Variants in RASGRP1 observed in about 807,000 individuals in gnomAD.
The protein encoded by RASGRP1 is RAS guanyl-releasing protein 1.
A neutral mutation model predicts 95.1 loss-of-function variants in RASGRP1; 37 were observed. That is an observed-to-expected ratio of 0.39 (90% CI 0.30 to 0.51). The LOEUF is 0.51. Among genes scored for constraint, RASGRP1 ranks in the 20% least tolerant of loss-of-function variants. RASGRP1 has a pLI of 0.80. For missense variants in RASGRP1, 711 were observed against 965.4 expected, an observed-to-expected ratio of 0.74 and a Z score of 3.49; for synonymous variants, 325 against 353.4, an observed-to-expected ratio of 0.92 and a Z score of 0.90.
intron 2 of RASGRP1, among the ~76,000 whole-genome samples, chr15:38,527,172 G>C (rs190078207): frequency 1.2e-3 from 189 of 152,336 alleles, no homozygotes; most frequent in Admixed American, 2.4e-3. Flanking sequence ...TGAAGTGTTA[G>C]GAGCTCTGCT....
rs201207598 is a variant in RASGRP1 at position 38,506,659 on chromosome 15, TAGTG to T, written c.1243-743_1243-740del. Among the ~76,000 whole-genome samples the T allele has an allele frequency of 3.4e-3, 387 of 113,720 alleles. 1 individual carries two copies. The highest frequency in any genetic ancestry group is 0.025 in the Admixed American group (283 of 11,190). The allele number at this position is 113,720 out of a possible 152,430, so 74.6% of individuals were successfully genotyped here. On this transcript the variant is annotated intron_variant, in intron 9 of 16. Coordinates refer to ENST00000310803, the MANE Select transcript of RASGRP1 (RefSeq NM_005739.4). ...CCAAAAAAAAAAAAAAAAAAAAAAA[TAGTG>T]AGTTTCATGTATCTTAGAACTATAA...
At chr15:38,557,563 A>G (rs916999823) in intron 2 of RASGRP1, among the ~76,000 whole-genome samples, 1 of 151,284 alleles carries the variant, frequency 6.6e-6, no homozygotes, top group African/African-American at 2.4e-5. Context: ...CTCTTCCTGC[A>G]TGCCTTCGGT....
rs145552474 is a variant in RASGRP1 at position 38,557,695 on chromosome 15, G to A, written c.220+2126C>T. On this transcript the variant is annotated intron_variant, in intron 2 of 16. Coordinates refer to ENST00000310803, the MANE Select transcript of RASGRP1 (RefSeq NM_005739.4). ...GTGTTGTAAGCTCTAATGGAAGGGAGAGTTTGGTCGCTGTAATTCTTCTTG... is the reference window on the plus strand; with the variant it reads ...GTGTTGTAAGCTCTAATGGAAGGGAAAGTTTGGTCGCTGTAATTCTTCTTG... 4.1e-3 allele frequency among the ~76,000 whole-genome samples: 628 copies of A among 152,092 alleles called. 1 individual carries two copies. Among genetic ancestry groups the A allele is most frequent in the Non-Finnish European group, 6.8e-3 (460 of 67,990 alleles).
intron 11 of RASGRP1, 30 bp downstream of exon 11, chr15:38,503,242 T>C (rs1891109873): frequency 6.5e-7 from 1 of 1,542,500 alleles, no homozygotes; most frequent in Admixed American, 1.7e-5. Context: ...CAATGCCTAG[T>C]TTTTGTGTGC....
chr15:38,549,707 T>C (rs982188276), intron 2 of RASGRP1, among the ~76,000 whole-genome samples: 3 of 140,600 alleles, frequency 2.1e-5, no homozygotes, highest in African/African-American at 8.4e-5. Flanking sequence ...CCTTTGTCCA[T>C]TTCAATGAAT....
In RASGRP1 at chr15:38,488,649, G is replaced by T. The variant is rs1374281176; in HGVS notation, c.*1905C>A. On this transcript the variant is annotated 3_prime_UTR_variant, in exon 17 of 17. Transcript: ENST00000310803. ...ATTATTTATATAAAAACTAACTGGG[G>T]ATCTTTACTTCGAATGGAGAGGAGG... 6.6e-6 allele frequency: 1 copy of T among 151,848 alleles called. No homozygotes were observed. The highest frequency in any genetic ancestry group is 1.5e-5 in the Non-Finnish European group (1 of 67,828). The allele number at this position is 151,848 out of a possible 1,614,324, so 9.4% of individuals were successfully genotyped here. A position where few individuals can be genotyped will look rare whatever the true frequency, so the allele number is the denominator to read the frequency against.
chr15:38,518,451 T>C, intron 4 of RASGRP1, 28 bp from the exon 5 acceptor site: 1 of 1,584,772 alleles, frequency 6.3e-7, no homozygotes, highest in Non-Finnish European at 8.6e-7. Context: ...AAAAACACAA[T>C]CCAAAACTGA....
At chr15:38,525,698 A>T (rs149233521) in intron 3 of RASGRP1, among the ~76,000 whole-genome samples, 1 of 152,314 alleles carries the variant, frequency 6.6e-6, no homozygotes, top group Non-Finnish European at 1.5e-5. Flanking sequence ...CTCCGCCTAC[A>T]ACTCTTCTTT....
chr15:38,505,979 T>C lies in RASGRP1; in HGVS notation c.1243-59A>G. ...AGATGCTGTTTGCCTCTCCCACAGCTGATGGTTCTTTCTTGGATTTTCCTT... is the reference window on the plus strand; with the variant it reads ...AGATGCTGTTTGCCTCTCCCACAGCCGATGGTTCTTTCTTGGATTTTCCTT... On this transcript the variant is annotated intron_variant, in intron 9 of 16. Coordinates refer to ENST00000310803, the MANE Select transcript of RASGRP1 (RefSeq NM_005739.4). The C allele has an allele frequency of 6.0e-6, 8 of 1,328,448 alleles. 1 individual carries two copies. In the South Asian group the frequency reaches 8.7e-5, roughly 15 times the overall value. 82.3% of individuals were successfully genotyped at this position (1,328,448 alleles called of 1,614,324 possible).
At chr15:38,545,723 T>C (rs1422807690) in intron 2 of RASGRP1, among the ~76,000 whole-genome samples, 1 of 152,134 alleles carries the variant, frequency 6.6e-6, no homozygotes, top group Non-Finnish European at 1.5e-5. Context: ...ACATATGCAA[T>C]AGTCTCCTAA....
chr15:38,491,827 G>A (rs952590048), intron 16 of RASGRP1, among the ~76,000 whole-genome samples: 3 of 152,096 alleles, frequency 2.0e-5, no homozygotes, highest in African/African-American at 7.2e-5. Context: ...AATGGTGAGA[G>A]GGTTTACTGG....
At chr15:38,548,297 T>G (rs1893186810) in intron 2 of RASGRP1, among the ~76,000 whole-genome samples, 1 of 152,200 alleles carries the variant, frequency 6.6e-6, no homozygotes, top group Non-Finnish European at 1.5e-5. Context: ...GTGCAGTGGC[T>G]CATGCCTGTA....
At chr15:38,557,114 T>C (rs1272917498) in intron 2 of RASGRP1, among the ~76,000 whole-genome samples, 6 of 152,198 alleles carry the variant, frequency 3.9e-5, no homozygotes, top group Non-Finnish European at 8.8e-5. Context: ...GGAGAAGCAT[T>C]AGCCTCACTC....
At chr15:38,501,805 T>C (rs1891036237) in intron 12 of RASGRP1, among the ~76,000 whole-genome samples, 1 of 151,910 alleles carries the variant, frequency 6.6e-6, no homozygotes, top group Non-Finnish European at 1.5e-5. Flanking sequence ...TTCTTATTTA[T>C]AGTTGACTAT....
At chr15:38,539,287 T>C (rs1221594348) in intron 2 of RASGRP1, among the ~76,000 whole-genome samples, 1 of 152,150 alleles carries the variant, frequency 6.6e-6, no homozygotes, top group African/African-American at 2.4e-5. Flanking sequence ...ATATAATAAA[T>C]GCCACCATAT....
In RASGRP1 at chr15:38,494,753, G is replaced by T. The variant is rs762256928; in HGVS notation, c.1888C>A (p.Pro630Thr). The T allele has an allele frequency of 6.7e-7, 1 of 1,500,176 alleles. No homozygotes were observed. The highest frequency in any genetic ancestry group is 2.3e-5 in the Admixed American group (1 of 43,256). The allele number at this position is 1,500,176 out of a possible 1,614,324, so 92.9% of individuals were successfully genotyped here. Reference protein sequence around the residue: ...KDLLHAPEEGPFTFPNGEAVE... With the variant: ...KDLLHAPEEGTFTFPNGEAVE... ...GCCTCCCCATTAGGGAATGTAAAAG[G>T]TCCTTCCTCAGGTGCTGTAGGAAGA... The change falls in exon 16 of 17, where the codon CCT becomes ACT. Residue 630 changes from proline to threonine, a missense_variant. Physicochemically the swap from Pro to Thr is conservative, Grantham distance 38. Around this residue, in one of 3 missense-constraint regions of RASGRP1, gnomAD observed 212 missense variants for 247.8 expected, o/e 0.86. Coordinates refer to ENST00000310803, the MANE Select transcript of RASGRP1 (RefSeq NM_005739.4).
Position 38,490,547 on chromosome 15 carries a change from T to G in RASGRP1, c.*7A>C. 1 of 1,611,786 alleles carries G rather than the reference T, an allele frequency of 6.2e-7. No individual in the cohort carries two copies. Among genetic ancestry groups the G allele is most frequent in the Non-Finnish European group, 8.5e-7 (1 of 1,178,902 alleles). On this transcript the variant is annotated 3_prime_UTR_variant, in exon 17 of 17. Transcript: ENST00000310803. ...TCATCTACAGATTGTGCTACTTAGT[T>G]TCTGGGCTAAGAACAGTCACCCTGC...
intron 3 of RASGRP1, among the ~76,000 whole-genome samples, chr15:38,525,598 C>T (rs943225580): frequency 1.3e-5 from 2 of 152,028 alleles, no homozygotes; most frequent in Non-Finnish European, 2.9e-5. Flanking sequence ...AGATGAAACG[C>T]GGGGAATTAG....
chr15:38,522,449 C>A (rs1182017372), intron 3 of RASGRP1, among the ~76,000 whole-genome samples: 1 of 152,180 alleles, frequency 6.6e-6, no homozygotes, highest in Non-Finnish European at 1.5e-5. Flanking sequence ...AAAAACACTT[C>A]ACACTTTCTG....
Sources: allele counts gnomAD v4.1 joint callset (sites outside exome capture counted in the v4.1 genomes callset), GRCh38; gene constraint gnomAD v4.1.1; regional missense constraint gnomAD v4.1.1; transcripts MANE v1.5; gene names NCBI Gene and HGNC (gene_info 2026-07-23, HGNC 2026-07-21).